The following GRIPAP1 variants were observed in gnomAD, a reference collection of about 807,000 sequenced individuals.
GRIPAP1 encodes GRIP1 associated protein 1, also known as GRIP1-associated protein 1.
GRIPAP1 carries 14 observed loss-of-function variants against 84.1 expected under a neutral mutation model. That is an observed-to-expected ratio of 0.17 (90% CI 0.11 to 0.26). The LOEUF (loss-of-function observed/expected upper bound fraction) is 0.26, where lower values mean the gene tolerates loss of function less well. Ranked by LOEUF, GRIPAP1 falls within the 10% of genes least tolerant of loss-of-function variation. The pLI is 1.00. For synonymous variants in GRIPAP1, 261 were observed against 256.8 expected (o/e 1.02, Z -0.15); for missense variants, 518 against 674.2 (o/e 0.77, Z 2.57).
chrX:48,995,641 G>T (rs916472624), intron 5 of GRIPAP1, among the ~76,000 whole-genome samples: 12 of 110,650 alleles, frequency 1.1e-4, no homozygotes, highest in Middle Eastern at 4.6e-3. Flanking sequence ...TGTCGCCCAG[G>T]CTGGAGTGCA....
Position 48,978,285 on chromosome X carries a change from G to C in GRIPAP1, c.2061+20C>G, listed in dbSNP as rs1318192843. 8.3e-7 allele frequency: 1 copy of C among 1,206,149 alleles called. No individual in the cohort carries two copies. The highest frequency in any genetic ancestry group is 1.1e-6 in the Non-Finnish European group (1 of 892,523). ...TGGGTTGAGAGAAGCTGGAGCTGTAGGTTCTTCCTTTCCCCTTACCCTGGC... is the reference window on the plus strand; with the variant it reads ...TGGGTTGAGAGAAGCTGGAGCTGTACGTTCTTCCTTTCCCCTTACCCTGGC... On this transcript the variant is annotated intron_variant, in intron 22 of 25. Coordinates refer to ENST00000376423, the MANE Select transcript of GRIPAP1 (RefSeq NM_020137.5).
chrX:48,990,905 C>T, intron 7 of GRIPAP1, 21 bp downstream of exon 7: 2 of 1,122,991 alleles, frequency 1.8e-6, no homozygotes, highest in Non-Finnish European at 2.4e-6. Context: ...GGCATTCCAG[C>T]TCCAACAGAC....
At chrX:48,996,789 A>C (rs151091938) in intron 5 of GRIPAP1, among the ~76,000 whole-genome samples, 4,230 of 112,012 alleles carry the variant, frequency 0.038, 200 homozygotes, top group African/African-American at 0.13. Context: ...CAGGACACTA[A>C]AATCAATGGG....
intron 24 of GRIPAP1, chrX:48,975,524 A>T: frequency 2.5e-6 from 1 of 401,369 alleles, no homozygotes; most frequent in Non-Finnish European, 4.3e-6. Context: ...TGGAACTGGA[A>T]AGATGCACAT....
At chrX:48,981,189 CT>C (rs2064454490) in intron 21 of GRIPAP1, 25 bp downstream of exon 21, 1 of 1,156,527 alleles carries the variant, frequency 8.6e-7, no homozygotes, top group African/African-American at 1.8e-5. Context: ...ATGCCTCAGC[CT>C]CCTCTCCCTG....
Position 48,989,828 on chromosome X carries a change from C to T in GRIPAP1, c.770+7G>A. On this transcript the variant is annotated splice_region_variant and intron_variant, in intron 10 of 25. Coordinates refer to ENST00000376423, the MANE Select transcript of GRIPAP1 (RefSeq NM_020137.5). ...TGTCCACCAATACCCGCAAATCTGG[C>T]AGTTACCTGCTGTCATTAAACAGAG... 1 of 1,205,751 alleles carries T rather than the reference C, an allele frequency of 8.3e-7. No individual in the cohort carries two copies. The highest frequency in any genetic ancestry group is 1.1e-6 in the Non-Finnish European group (1 of 890,202).
intron 24 of GRIPAP1, chrX:48,975,742 AGAG>A (rs2064418602): frequency 2.7e-6 from 1 of 367,579 alleles, no homozygotes; most frequent in African/African-American, 2.6e-5. Context: ...AGGGAGAGAG[AGAG>A]GAGAGGAAGA....
At chrX:48,977,999 A>G (rs1293188811) in intron 22 of GRIPAP1, 1 of 207,202 alleles carries the variant, frequency 4.8e-6, no homozygotes, top group Non-Finnish European at 8.8e-6. Flanking sequence ...AGTGATCATT[A>G]CAAGTTGGAA....
Position 48,974,276 on chromosome X carries a change from C to T in GRIPAP1, c.2443G>A (p.Val815Ile), listed in dbSNP as rs1557059800. The change falls in exon 26 of 26, where the codon GTT becomes ATT. Residue 815 changes from valine to isoleucine, a missense_variant. By Grantham distance (29) the Val-to-Ile change is conservative. Around this residue, in one of 5 missense-constraint regions of GRIPAP1, gnomAD observed 30 missense variants for 23.8 expected, o/e 1.26. Coordinates refer to ENST00000376423, the MANE Select transcript of GRIPAP1 (RefSeq NM_020137.5). ...AGCCGCACAATTTCCTGGGACAGAA[C>T]TTCCATATCCTAAGAAACAAATGAA... ...KNMHLHKDME[V>I]LSQEIVRLSK... 3 of 1,192,094 alleles carry T rather than the reference C, an allele frequency of 2.5e-6. No individual in the cohort carries two copies.
In GRIPAP1 at chrX:48,993,498, A is replaced by C. The variant is rs2064530912; in HGVS notation, c.387T>G (p.Ala129=). Reference sequence around the variant, plus strand: ...GCAGCTCCCCATCCACGAGGGGCCCAGCTTGGGCAACCCCTGCTCCTGCAG... The same window carrying C: ...GCAGCTCCCCATCCACGAGGGGCCCCGCTTGGGCAACCCCTGCTCCTGCAG... ...EGAAGAGVAQ[A]GPLVDGELLR... is the part of the protein sequence containing the mutation. Residue 129 remains alanine, a synonymous_variant, in exon 6 of 26, where the codon GCT becomes GCG. Coordinates refer to ENST00000376423, the MANE Select transcript of GRIPAP1 (RefSeq NM_020137.5). 1 of 1,191,491 alleles carries C rather than the reference A, an allele frequency of 8.4e-7. No individual in the cohort carries two copies. The highest frequency in any genetic ancestry group is 2.3e-5 in the Admixed American group (1 of 43,453).
In GRIPAP1 at chrX:48,975,273, C is replaced by G. The variant is rs2064416073; in HGVS notation, c.2315G>C (p.Gly772Ala). The change falls in exon 25 of 26, where the codon GGG becomes GCG. Residue 772 changes from glycine (G) to alanine (A), a missense_variant. Transcript: ENST00000376423. ...SVAAGHTDRSGLGSVLRDLVK... is the reference protein window; with the variant it reads ...SVAAGHTDRSALGSVLRDLVK... Reference sequence around the variant, plus strand: ...TAGGTCTCTCAGGACGCTGCCCAGCCCGCTGCGGTCTGTGTGGCCTGCTGC... The same window carrying G: ...TAGGTCTCTCAGGACGCTGCCCAGCGCGCTGCGGTCTGTGTGGCCTGCTGC... 8.3e-7 allele frequency: 1 copy of G among 1,211,327 alleles called. No individual in the cohort carries two copies. The highest frequency in any genetic ancestry group is 1.1e-6 in the Non-Finnish European group (1 of 895,201).
rs781972470 is a variant in GRIPAP1, at chrX:49,002,238, C to G, written c.-9G>C. On this transcript the variant is annotated 5_prime_UTR_variant, in exon 1 of 26. Coordinates refer to ENST00000376423, the MANE Select transcript of GRIPAP1 (RefSeq NM_020137.5). ...GACAGAGCTTGCGCCATGTTCCTCC[C>G]CCCACCCCCCCGCCAGCTTTCTGCG... The G allele has an allele frequency of 9.0e-7, 1 of 1,108,987 alleles. No individual in the cohort carries two copies. The highest frequency in any genetic ancestry group is 1.2e-6 in the Non-Finnish European group (1 of 811,521). 91.4% of individuals were successfully genotyped at this position (1,108,987 alleles called of 1,213,427 possible). A position where few individuals can be genotyped will look rare whatever the true frequency, so the allele number is the denominator to read the frequency against.
chrX:48,981,378 G>A, intron 20 of GRIPAP1, 38 bp downstream of exon 20: 2 of 1,202,307 alleles, frequency 1.7e-6, no homozygotes, highest in African/African-American at 1.7e-5. Flanking sequence ...GAGGCTACAG[G>A]TAGGAGGGAG....
chrX:48,998,118 C>T, intron 4 of GRIPAP1, 36 bp downstream of exon 4: 2 of 1,102,413 alleles, frequency 1.8e-6, no homozygotes, highest in Non-Finnish European at 2.5e-6. Context: ...ACCAAGACAT[C>T]TCCCAGTCAC....
chrX:48,977,166 A>G (rs996228540), intron 22 of GRIPAP1: 31 of 110,304 alleles, frequency 2.8e-4, no homozygotes, highest in African/African-American at 1.0e-3. Flanking sequence ...TCGGCCTCCC[A>G]AAGTACTGGG....
intron 5 of GRIPAP1, among the ~76,000 whole-genome samples, chrX:48,994,974 T>C (rs1213462092): frequency 3.6e-5 from 4 of 112,322 alleles, no homozygotes; most frequent in East Asian, 2.8e-4. Context: ...TTTACTGTTA[T>C]CATCTTTCTC....
chrX:48,999,303 G>T lies in GRIPAP1; in HGVS notation c.110-4C>A, dbSNP rs2064563569. 2 of 1,204,477 alleles carry T rather than the reference G, an allele frequency of 1.7e-6. No individual in the cohort carries two copies. The highest frequency in any genetic ancestry group is 2.2e-6 in the Non-Finnish European group (2 of 888,973). The stretch of plus-strand genomic sequence containing the variant: ...TTCTGTCGAAGACTGGTGAGTTCTG[G>T]TGTCGGGAAAGCAGGGAAACTCAGC... On this transcript the variant is annotated splice_polypyrimidine_tract_variant and splice_region_variant and intron_variant, in intron 2 of 25. Coordinates refer to ENST00000376423, the MANE Select transcript of GRIPAP1 (RefSeq NM_020137.5).
At position 48,978,439 on chromosome X, in the gene GRIPAP1, G is replaced by C. The variant is rs782780141; in HGVS notation, c.1931-4C>G. On this transcript the variant is annotated splice_region_variant and splice_polypyrimidine_tract_variant and intron_variant, in intron 21 of 25. Transcript: ENST00000376423. ...GAGAGAACCAGCTCCTCAAGGCCTG[G>C]GTGGTGGAGGGAAGAGAAACTTGAG... 2 of 1,186,547 alleles carry C rather than the reference G, an allele frequency of 1.7e-6. No individual in the cohort carries two copies. The highest frequency in any genetic ancestry group is 1.9e-5 in the South Asian group (1 of 53,483).
intron 21 of GRIPAP1, 32 bp from the exon 22 acceptor site, chrX:48,978,467 C>T (rs918025649): frequency 2.3e-5 from 27 of 1,156,550 alleles, no homozygotes; most frequent in Non-Finnish European, 3.0e-5. Context: ...AACTTGAGCC[C>T]CAATACCCCT....
Sources: allele counts gnomAD v4.1 joint callset (sites outside exome capture counted in the v4.1 genomes callset), GRCh38; gene constraint gnomAD v4.1.1; regional missense constraint gnomAD v4.1.1; transcripts MANE v1.5; gene names NCBI Gene and HGNC (gene_info 2026-07-23, HGNC 2026-07-21).